The following VDAC1 variants were observed in gnomAD, a reference collection of about 807,000 sequenced individuals.
VDAC1 encodes voltage dependent anion channel 1.
In VDAC1, 10 loss-of-function variants were observed where a neutral mutation model predicts 34.7. That is an observed-to-expected ratio of 0.29 (90% CI 0.18 to 0.49). The LOEUF (loss-of-function observed/expected upper bound fraction) is 0.49, where lower values mean the gene tolerates loss of function less well. VDAC1 is among the 20% of genes least tolerant of loss of function. The probability of loss-of-function intolerance (pLI) is 0.99; values close to 1 mark genes in which losing one functional copy is unlikely to be tolerated. For missense variants in VDAC1, 230 were observed against 347.9 expected, an observed-to-expected ratio of 0.66 and a Z score of 2.69; for synonymous variants, 130 against 136.0, an observed-to-expected ratio of 0.96 and a Z score of 0.30.
At chr5:134,072,041 A>G in the VDAC1 span, among the ~76,000 whole-genome samples, 2 of 152,222 alleles carry the variant, frequency 1.3e-5, no homozygotes, top group East Asian at 3.9e-4. Flanking sequence ...CCCCCACAGC[A>G]GCAGCGATGC....
At chr5:134,088,698 C>A in the VDAC1 span, among the ~76,000 whole-genome samples, 1 of 152,204 alleles carries the variant, frequency 6.6e-6, no homozygotes, top group African/African-American at 2.4e-5. Context: ...CCTCCAGGAT[C>A]AAGAAATAGA....
the VDAC1 span, among the ~76,000 whole-genome samples, chr5:134,081,486 C>T: frequency 1.3e-5 from 2 of 152,294 alleles, no homozygotes; most frequent in East Asian, 1.9e-4. Flanking sequence ...GCCAAAACAA[C>T]ACAATTTAGT....
chr5:133,985,783 C>T (rs1218361294), intron 5 of VDAC1, among the ~76,000 whole-genome samples: 1 of 152,370 alleles, frequency 6.6e-6, no homozygotes, highest in Non-Finnish European at 1.5e-5. Context: ...GAGAGGCTGA[C>T]ATTTACAAAG....
the VDAC1 span, among the ~76,000 whole-genome samples, chr5:134,018,911 T>C: frequency 1.3e-5 from 2 of 152,122 alleles, no homozygotes; most frequent in African/African-American, 4.8e-5. Flanking sequence ...CAAGACTCCA[T>C]GTTTACCCCT....
chr5:134,006,099 G>C, upstream of VDAC1, among the ~76,000 whole-genome samples: 1 of 152,200 alleles, frequency 6.6e-6, no homozygotes, highest in Non-Finnish European at 1.5e-5. Context: ...TGGGAGTGGG[G>C]TGCAGACAGG....
At chr5:133,978,712 T>C (rs1752574384) in intron 6 of VDAC1, among the ~76,000 whole-genome samples, 1 of 152,110 alleles carries the variant, frequency 6.6e-6, no homozygotes, top group Admixed American at 6.5e-5. Context: ...TGTACAGAGC[T>C]TTCAAAACCA....
chr5:134,065,376 C>T, the VDAC1 span, among the ~76,000 whole-genome samples: 1 of 131,592 alleles, frequency 7.6e-6, no homozygotes, highest in East Asian at 2.2e-4. Flanking sequence ...GAGTCTCACT[C>T]TACCATTCAG....
chr5:134,078,770 C>T, the VDAC1 span, among the ~76,000 whole-genome samples: 1 of 151,336 alleles, frequency 6.6e-6, no homozygotes, highest in South Asian at 2.1e-4. Flanking sequence ...CCTGCCTCAG[C>T]CTCCCAAGTA....
the VDAC1 span, among the ~76,000 whole-genome samples, chr5:134,094,244 C>G: frequency 6.6e-6 from 1 of 152,224 alleles, no homozygotes; most frequent in Non-Finnish European, 1.5e-5. Context: ...AGCTCTGGGC[C>G]CTGGCCTCCA....
At position 133,972,689 on chromosome 5, in the gene VDAC1, T is replaced by G; in HGVS notation, c.*82A>C. ...TTTAGCAATACTTGCATCCCAGACATACAACATTAAAAGATACACTAAATT... is the reference window on the plus strand; with the variant it reads ...TTTAGCAATACTTGCATCCCAGACAGACAACATTAAAAGATACACTAAATT... On this transcript the variant is annotated 3_prime_UTR_variant, in exon 9 of 9. Coordinates refer to ENST00000265333, the MANE Select transcript of VDAC1 (RefSeq NM_003374.3). 2 of 1,066,312 alleles carry G rather than the reference T, an allele frequency of 1.9e-6. No individual in the cohort carries two copies. Among genetic ancestry groups the G allele is most frequent in the Non-Finnish European group, 1.4e-6 (1 of 718,412 alleles). The allele number at this position is 1,066,312 out of a possible 1,614,324, so 66.1% of individuals were successfully genotyped here.
Position 133,977,276 on chromosome 5 carries a change from T to C in VDAC1, c.552-1255A>G, listed in dbSNP as rs776972284. 5.8e-4 allele frequency among the ~76,000 whole-genome samples: 88 copies of C among 152,308 alleles called. 1 individual carries two copies. In the Middle Eastern group the frequency reaches 0.017, roughly 30 times the overall value. On this transcript the variant is annotated intron_variant, in intron 6 of 8. Transcript: ENST00000265333. The stretch of plus-strand genomic sequence containing the variant: ...ATCCACAATTCATCTCGTCCACCTG[T>C]GCATACTCCTCACCCATGCTGCAAC...
At chr5:134,078,062 G>A in the VDAC1 span, among the ~76,000 whole-genome samples, 1,337 of 152,294 alleles carry the variant, frequency 8.8e-3, 19 homozygotes, top group African/African-American at 0.029. Flanking sequence ...GGCCCAGTCT[G>A]ATCCCTTGAG....
At chr5:133,982,288 T>C (rs1394411509) in intron 5 of VDAC1, among the ~76,000 whole-genome samples, 3 of 151,592 alleles carry the variant, frequency 2.0e-5, no homozygotes, top group Admixed American at 6.6e-5. Context: ...CTGAGGCAGG[T>C]GGATCACAAG....
chr5:134,072,507 G>C, the VDAC1 span, among the ~76,000 whole-genome samples: 1 of 152,218 alleles, frequency 6.6e-6, no homozygotes, highest in East Asian at 1.9e-4. Context: ...TCATGATCAA[G>C]GTGGCTGATG....
At chr5:134,040,081 G>A in the VDAC1 span, among the ~76,000 whole-genome samples, 1,407 of 152,272 alleles carry the variant, frequency 9.2e-3, 9 homozygotes, top group Non-Finnish European at 0.015. Context: ...CACACAAAAG[G>A]CATCTCCTCT....
chr5:134,099,178 A>G, the VDAC1 span, among the ~76,000 whole-genome samples: 2 of 152,336 alleles, frequency 1.3e-5, no homozygotes, highest in South Asian at 2.1e-4. Context: ...CAGGTCGAGC[A>G]CAGACTCTTA....
chr5:134,093,863 G>A, the VDAC1 span, among the ~76,000 whole-genome samples: 27 of 152,350 alleles, frequency 1.8e-4, no homozygotes, highest in Non-Finnish European at 5.9e-5. Flanking sequence ...CCCAGAGAGG[G>A]ATGGAAAGTG....
At chr5:134,016,309 G>C in the VDAC1 span, among the ~76,000 whole-genome samples, 8 of 152,208 alleles carry the variant, frequency 5.3e-5, no homozygotes, top group Non-Finnish European at 1.0e-4. Flanking sequence ...GGCTGTGATG[G>C]GGAGTGGGTG....
At chr5:134,014,922 C>G in the VDAC1 span, among the ~76,000 whole-genome samples, 1 of 152,116 alleles carries the variant, frequency 6.6e-6, no homozygotes, top group African/African-American at 2.4e-5. Flanking sequence ...AGGTTTGTCA[C>G]AGCGTGATTC....
Sources: allele counts gnomAD v4.1 joint callset (sites outside exome capture counted in the v4.1 genomes callset), GRCh38; gene constraint gnomAD v4.1.1; transcripts MANE v1.5; gene names NCBI Gene and HGNC (gene_info 2026-07-23, HGNC 2026-07-21).